M1AP: variants seen among roughly 807,000 people sequenced by gnomAD.
M1AP encodes the protein meiosis 1 associated protein, also known as meiosis 1 arrest protein.
A neutral mutation model predicts 51.2 loss-of-function variants in M1AP; 39 were observed. The ratio of observed to expected loss-of-function variants is 0.76; its 90% confidence interval spans 0.59 to 1.00. The LOEUF is 1.00. M1AP is among the 50% of genes least tolerant of loss of function. The probability of loss-of-function intolerance (pLI) is 0.00; values close to 1 mark genes in which losing one functional copy is unlikely to be tolerated. For synonymous variants in M1AP, 251 were observed against 249.2 expected (o/e 1.01, Z -0.07); for missense variants, 545 against 641.2 (o/e 0.85, Z 1.62).
intron 5 of M1AP, 22 bp downstream of exon 5, chr2:74,581,652 A>G (rs773026046): frequency 3.0e-5 from 49 of 1,606,986 alleles, no homozygotes; most frequent in Middle Eastern, 1.6e-4. Context: ...CATAGCCTAA[A>G]TATCTTTTGG....
At chr2:74,577,883 T>TC (rs1679169530) in intron 5 of M1AP, among the ~76,000 whole-genome samples, 1 of 152,188 alleles carries the variant, frequency 6.6e-6, no homozygotes, top group Admixed American at 6.5e-5. Context: ...AGGGCAGCAA[T>TC]CCTCAATCAT....
intron 2 of M1AP, among the ~76,000 whole-genome samples, chr2:74,624,743 T>G (rs929499457): frequency 6.6e-6 from 1 of 152,208 alleles, no homozygotes; most frequent in Non-Finnish European, 1.5e-5. Context: ...GCAATACTTT[T>G]CTGTATCTTG....
At chr2:74,612,412 A>C (rs1681420621) in intron 3 of M1AP, among the ~76,000 whole-genome samples, 1 of 151,798 alleles carries the variant, frequency 6.6e-6, no homozygotes, top group Non-Finnish European at 1.5e-5. Context: ...TAGAGATGGG[A>C]TCTCACTATG....
At chr2:74,598,533 A>G (rs986894051) in intron 4 of M1AP, among the ~76,000 whole-genome samples, 4 of 151,620 alleles carry the variant, frequency 2.6e-5, no homozygotes, top group East Asian at 1.9e-4. Flanking sequence ...ATGCATTCAC[A>G]TTGTTATTTA....
intron 4 of M1AP, among the ~76,000 whole-genome samples, chr2:74,599,882 G>A (rs1680575601): frequency 1.3e-5 from 2 of 151,196 alleles, no homozygotes. Flanking sequence ...CCAGGCTGGA[G>A]TGCACTGATG....
chr2:74,561,983 G>C (rs2104506063), intron 8 of M1AP: 1 of 985,136 alleles, frequency 1.0e-6, no homozygotes, highest in African/African-American at 1.7e-5. Context: ...CCAGTTTTTT[G>C]TTCTCAAACC....
At chr2:74,624,294 G>A (rs1030567881) in intron 2 of M1AP, among the ~76,000 whole-genome samples, 1 of 152,206 alleles carries the variant, frequency 6.6e-6, no homozygotes, top group African/African-American at 2.4e-5. Context: ...GTAAACTCCA[G>A]GAATCAGTAG....
At chr2:74,590,105 G>A (rs1346390515) in intron 4 of M1AP, among the ~76,000 whole-genome samples, 1 of 152,202 alleles carries the variant, frequency 6.6e-6, no homozygotes, top group Non-Finnish European at 1.5e-5. Context: ...GGAATAGTGG[G>A]TTCTATTTGG....
intron 3 of M1AP, among the ~76,000 whole-genome samples, chr2:74,612,284 T>G (rs149876153): frequency 2.6e-5 from 4 of 152,038 alleles, no homozygotes; most frequent in African/African-American, 9.7e-5. Context: ...AGTGGTGTGA[T>G]CATAGCTCAC....
intron 4 of M1AP, among the ~76,000 whole-genome samples, chr2:74,585,822 T>C (rs1679675279): frequency 6.6e-6 from 1 of 152,222 alleles, no homozygotes; most frequent in African/African-American, 2.4e-5. Context: ...CATTTCCTTG[T>C]CCCTGATTAT....
intron 2 of M1AP, chr2:74,619,120 G>T: frequency 3.5e-6 from 1 of 288,308 alleles, no homozygotes; most frequent in East Asian, 9.4e-5. Flanking sequence ...ACTATCAGAC[G>T]GCACAGGTTC....
chr2:74,619,102 T>C (rs1681853927), intron 2 of M1AP: 1 of 333,864 alleles, frequency 3.0e-6, no homozygotes, highest in Admixed American at 3.4e-5. Context: ...CTGTGCTTAT[T>C]ATTGAAGACT....
chr2:74,637,797 G>A (rs994471023), intron 2 of M1AP, among the ~76,000 whole-genome samples: 4 of 152,132 alleles, frequency 2.6e-5, no homozygotes, highest in Non-Finnish European at 4.4e-5. Flanking sequence ...GTCCTTCAGG[G>A]TGGCTCCTTC....
intron 1 of M1AP, among the ~76,000 whole-genome samples, chr2:74,645,441 G>A (rs1683549877): frequency 6.6e-6 from 1 of 152,206 alleles, no homozygotes; most frequent in Admixed American, 6.5e-5. Flanking sequence ...TAGGAGGCGG[G>A]ACTCAACTCT....
At chr2:74,638,117 C>T (rs969927661) in intron 2 of M1AP, among the ~76,000 whole-genome samples, 4 of 151,442 alleles carry the variant, frequency 2.6e-5, no homozygotes, top group African/African-American at 7.3e-5. Flanking sequence ...TGCAGTGGCG[C>T]GACCTCGGCT....
rs1677824854 is a variant in M1AP, at chr2:74,560,264, G to A, written c.1309C>T (p.Pro437Ser). 1 of 1,611,758 alleles carries A rather than the reference G, an allele frequency of 6.2e-7. No homozygotes were observed. Among genetic ancestry groups the A allele is most frequent in the South Asian group, 1.1e-5 (1 of 90,682 alleles). The part of the protein sequence containing the change: ...ESMLDSLELE[P>S]TYNPLHVQSH... ...TGAACATGCAAGGGGTTGTAGGTGG[G>A]CTCCAGCTCCAGGCTGTCCAGCATG... The change falls in exon 9 of 11, where the codon CCC becomes TCC. Residue 437 changes from proline (P) to serine (S), a missense_variant. By Grantham distance (74) the Pro-to-Ser change is moderately conservative (BLOSUM62 -1). Coordinates refer to ENST00000421985, the MANE Select transcript of M1AP (RefSeq NM_001321739.2).
intron 4 of M1AP, among the ~76,000 whole-genome samples, chr2:74,606,588 G>A (rs1447554352): frequency 1.3e-5 from 2 of 151,704 alleles, no homozygotes; most frequent in East Asian, 1.9e-4. Flanking sequence ...TATTAAGAGA[G>A]TGTGTGTGTG....
At chr2:74,599,123 C>G (rs970799964) in intron 4 of M1AP, among the ~76,000 whole-genome samples, 1 of 151,880 alleles carries the variant, frequency 6.6e-6, no homozygotes, top group Non-Finnish European at 1.5e-5. Context: ...ACTAAAAATA[C>G]AAAAAATTAG....
At chr2:74,600,246 AATAAG>A (rs751526658) in intron 4 of M1AP, among the ~76,000 whole-genome samples, 12 of 152,366 alleles carry the variant, frequency 7.9e-5, no homozygotes, top group Non-Finnish European at 1.5e-4. Flanking sequence ...ACAAGGATTA[AATAAG>A]ATAATATGTA....
Sources: allele counts gnomAD v4.1 joint callset (sites outside exome capture counted in the v4.1 genomes callset), GRCh38; gene constraint gnomAD v4.1.1; transcripts MANE v1.5; gene names NCBI Gene and HGNC (gene_info 2026-07-23, HGNC 2026-07-21).